The following ASXL2 variants were observed in gnomAD, a reference collection of about 807,000 sequenced individuals.
ASXL2 encodes putative Polycomb group protein ASXL2.
ASXL2 carries 23 observed loss-of-function variants against 122.0 expected under a neutral mutation model. The observed-to-expected ratio is 0.19, with a 90% CI of 0.14 to 0.27. The LOEUF (loss-of-function observed/expected upper bound fraction) is 0.27, where lower values mean the gene tolerates loss of function less well. ASXL2 is among the 10% of genes least tolerant of loss of function. The pLI is 1.00. For missense variants in ASXL2, 1,518 were observed against 1,713.8 expected, an observed-to-expected ratio of 0.89 and a Z score of 2.02; for synonymous variants, 650 against 637.0, an observed-to-expected ratio of 1.02 and a Z score of -0.31.
At position 25,743,908 on chromosome 2, in the gene ASXL2, C is replaced by T. The variant is rs1383813866; in HGVS notation, c.2429G>A (p.Arg810Lys). The change falls in exon 13 of 13, where the codon AGA becomes AAA. Residue 810 changes from arginine to lysine, a missense_variant. Transcript: ENST00000435504. ...GACAGAGGCCACTGTGGCTGTTGCT[C>T]TGGTGGGGTTCAGTTTTTCATTATC... ...KLDNEKLNPT[R>K]ATATVASVSH... The T allele has an allele frequency of 6.2e-7, 1 of 1,613,980 alleles. No individual in the cohort carries two copies. Among genetic ancestry groups the T allele is most frequent in the African/African-American group, 1.3e-5 (1 of 75,028 alleles).
chr2:25,842,066 C>T lies in ASXL2; in HGVS notation c.140+3415G>A, dbSNP rs1261517383. On this transcript the variant is annotated intron_variant, in intron 2 of 12. Coordinates refer to ENST00000435504, the MANE Select transcript of ASXL2 (RefSeq NM_018263.6). Reference sequence around the variant, plus strand: ...GAAAGAGGTTGCAATGAGCTGAGATCGCGCCACTGCACTCCAGCCTGGGCG... The same window carrying T: ...GAAAGAGGTTGCAATGAGCTGAGATTGCGCCACTGCACTCCAGCCTGGGCG... 4.0e-5 allele frequency among the ~76,000 whole-genome samples: 6 copies of T among 148,368 alleles called. No homozygotes were observed. The South Asian group carries it at 6.5e-4, about 16-fold the overall frequency.
At chr2:25,791,896 T>G (rs2088839957) in intron 5 of ASXL2, among the ~76,000 whole-genome samples, 1 of 152,210 alleles carries the variant, frequency 6.6e-6, no homozygotes, top group Non-Finnish European at 1.5e-5. Flanking sequence ...GAGACAACTT[T>G]AAGGGTGGGG....
intron 8 of ASXL2, among the ~76,000 whole-genome samples, chr2:25,765,010 T>C (rs1478251723): frequency 3.3e-5 from 5 of 152,228 alleles, no homozygotes; most frequent in African/African-American, 1.2e-4. Context: ...TATTATATTA[T>C]ACTTGAAATC....
At chr2:25,876,939 G>T (rs928729587) in intron 1 of ASXL2, among the ~76,000 whole-genome samples, 1 of 152,184 alleles carries the variant, frequency 6.6e-6, no homozygotes, top group Non-Finnish European at 1.5e-5. Flanking sequence ...GTATGACCTA[G>T]ATTTGGGGAA....
At chr2:25,805,242 T>C (rs577960394) in intron 4 of ASXL2, among the ~76,000 whole-genome samples, 1 of 152,320 alleles carries the variant, frequency 6.6e-6, no homozygotes, top group African/African-American at 2.4e-5. Context: ...AACTGTGAAT[T>C]GTGGTAGAGA....
At chr2:25,758,515 A>C (rs1362056324) in intron 9 of ASXL2, among the ~76,000 whole-genome samples, 2 of 152,190 alleles carry the variant, frequency 1.3e-5, no homozygotes, top group African/African-American at 4.8e-5. Flanking sequence ...TTACAGAGGG[A>C]GGAAACAGAA....
intron 3 of ASXL2, among the ~76,000 whole-genome samples, chr2:25,823,332 A>T (rs1234289623): frequency 6.6e-6 from 1 of 152,204 alleles, no homozygotes; most frequent in African/African-American, 2.4e-5. Context: ...AAGAGAACTA[A>T]ATTTTAGATT....
At position 25,750,036 on chromosome 2, in the gene ASXL2, G is replaced by A. The variant is rs1052409508; in HGVS notation, c.1520C>T (p.Thr507Ile). 6.2e-7 allele frequency: 1 copy of A among 1,613,898 alleles called. No individual in the cohort carries two copies. The highest frequency in any genetic ancestry group is 1.3e-5 in the African/African-American group (1 of 74,926). ...AEQESEKNHL[T>I]TASNYNKSES... The stretch of plus-strand genomic sequence containing the variant: ...ACTTTTGTTATAATTAGAAGCTGTG[G>A]TGAGATGGTTCTTCTCAGATTCCTG... The change falls in exon 12 of 13, where the codon ACC (threonine) becomes ATC (isoleucine). Residue 507 changes from threonine (T) to isoleucine (I), a missense_variant. Around this residue, in one of 8 missense-constraint regions of ASXL2, gnomAD observed 292 missense variants for 293.5 expected, o/e 1.00. Coordinates refer to ENST00000435504, the MANE Select transcript of ASXL2 (RefSeq NM_018263.6).
intron 3 of ASXL2, among the ~76,000 whole-genome samples, chr2:25,814,512 T>C (rs1054588865): frequency 1.3e-5 from 2 of 152,214 alleles, no homozygotes; most frequent in African/African-American, 4.8e-5. Flanking sequence ...ATTATGTAAC[T>C]ATCACACAAC....
At chr2:25,768,220 G>T (rs2088386709) in intron 7 of ASXL2, among the ~76,000 whole-genome samples, 1 of 152,188 alleles carries the variant, frequency 6.6e-6, no homozygotes, top group Non-Finnish European at 1.5e-5. Context: ...TTTTAAGGTT[G>T]CTGATTAGAG....
At chr2:25,812,834 T>C (rs1409884333) in intron 3 of ASXL2, among the ~76,000 whole-genome samples, 3 of 152,214 alleles carry the variant, frequency 2.0e-5, no homozygotes, top group African/African-American at 7.2e-5. Flanking sequence ...ACAACAGCCA[T>C]GTTGGCAGCT....
intron 11 of ASXL2, among the ~76,000 whole-genome samples, chr2:25,752,845 CAA>C (rs1466978596): frequency 9.7e-6 from 1 of 102,710 alleles, no homozygotes; most frequent in Admixed American, 1.0e-4. Flanking sequence ...AACTCTGTCT[CAA>C]AAAAAGAAAA....
intron 1 of ASXL2, among the ~76,000 whole-genome samples, chr2:25,863,668 C>T (rs1244661570): frequency 2.0e-5 from 3 of 148,414 alleles, no homozygotes; most frequent in Non-Finnish European, 3.0e-5. Flanking sequence ...ACTCCAGCCT[C>T]GGGAACAGAG....
intron 12 of ASXL2, among the ~76,000 whole-genome samples, chr2:25,749,100 T>TAGGA (rs1421353972): frequency 2.6e-5 from 4 of 152,234 alleles, no homozygotes; most frequent in Non-Finnish European, 5.9e-5. Context: ...GGTACAAAGA[T>TAGGA]AGGATCCTTT....
intron 1 of ASXL2, among the ~76,000 whole-genome samples, chr2:25,869,613 G>C (rs1258098596): frequency 1.3e-5 from 2 of 151,978 alleles, no homozygotes; most frequent in Non-Finnish European, 2.9e-5. Flanking sequence ...CCTTAGGTCA[G>C]GAGTTCGAGA....
chr2:25,865,183 C>A (rs897364016), intron 1 of ASXL2, among the ~76,000 whole-genome samples: 1 of 151,144 alleles, frequency 6.6e-6, no homozygotes, highest in African/African-American at 2.4e-5. Context: ...GTAATGTCAG[C>A]ACTTTGGGAG....
chr2:25,797,490 T>C (rs958859130), intron 5 of ASXL2, among the ~76,000 whole-genome samples: 1 of 152,008 alleles, frequency 6.6e-6, no homozygotes, highest in Non-Finnish European at 1.5e-5. Flanking sequence ...AAAAGACATA[T>C]GATAAAGGAT....
At chr2:25,821,949 C>T (rs1320473385) in intron 3 of ASXL2, among the ~76,000 whole-genome samples, 2 of 152,170 alleles carry the variant, frequency 1.3e-5, no homozygotes, top group East Asian at 1.9e-4. Flanking sequence ...ATGCCACTGA[C>T]ACTCCTAGAA....
intron 12 of ASXL2, among the ~76,000 whole-genome samples, chr2:25,747,879 A>G (rs975535843): frequency 1.3e-5 from 2 of 152,214 alleles, no homozygotes; most frequent in Non-Finnish European, 2.9e-5. Context: ...TTTAAAGAGC[A>G]ATGAATTGGC....
Sources: allele counts gnomAD v4.1 joint callset (sites outside exome capture counted in the v4.1 genomes callset), GRCh38; gene constraint gnomAD v4.1.1; regional missense constraint gnomAD v4.1.1; transcripts MANE v1.5; gene names NCBI Gene and HGNC (gene_info 2026-07-23, HGNC 2026-07-21).